The following TTLL7 variants were observed in gnomAD, a reference collection of about 807,000 sequenced individuals.
TTLL7 encodes the protein tubulin tyrosine ligase like 7, also known as tubulin polyglutamylase TTLL7.
TTLL7 carries 53 observed loss-of-function variants against 120.2 expected under a neutral mutation model. The ratio of observed to expected loss-of-function variants is 0.44; its 90% CI spans 0.35 to 0.55. The LOEUF (loss-of-function observed/expected upper bound fraction) is 0.55, where lower values mean the gene tolerates loss of function less well. Ranked by LOEUF, TTLL7 falls within the 20% of genes least tolerant of loss-of-function variation. TTLL7 has a pLI of 0.00. For synonymous variants in TTLL7, 353 were observed against 351.7 expected (o/e 1.00, Z -0.04); for missense variants, 803 against 1,054.7 (o/e 0.76, Z 3.31).
At chr1:83,975,918 A>C (rs759437627) in intron 1 of TTLL7, among the ~76,000 whole-genome samples, 5 of 152,024 alleles carry the variant, frequency 3.3e-5, no homozygotes, top group African/African-American at 4.8e-5. Flanking sequence ...CTCAATAAGC[A>C]TTTTATTTGA....
At chr1:83,889,339 T>G (rs1655247823) in intron 19 of TTLL7, among the ~76,000 whole-genome samples, 1 of 152,054 alleles carries the variant, frequency 6.6e-6, no homozygotes, top group Non-Finnish European at 1.5e-5. Context: ...GTGGGGATTA[T>G]GGGAACTACA....
chr1:83,941,809 G>T (rs1038019281), intron 7 of TTLL7, among the ~76,000 whole-genome samples: 14 of 151,852 alleles, frequency 9.2e-5, no homozygotes, highest in Non-Finnish European at 1.9e-4. Flanking sequence ...ATATGTTATG[G>T]CTGCACAAAA....
At chr1:83,954,821 T>G (rs985167185) in intron 1 of TTLL7, among the ~76,000 whole-genome samples, 2 of 136,948 alleles carry the variant, frequency 1.5e-5, no homozygotes, top group African/African-American at 5.5e-5. Flanking sequence ...AAAGACCAAA[T>G]AGGTAAAAAT....
At chr1:83,891,352 C>T (rs1011879947) in intron 18 of TTLL7, among the ~76,000 whole-genome samples, 37 of 151,872 alleles carry the variant, frequency 2.4e-4, no homozygotes, top group African/African-American at 7.7e-4. Flanking sequence ...ACATAAAGAA[C>T]AAAAATTAAG....
At chr1:83,889,598 C>A (rs1184211476) in intron 19 of TTLL7, among the ~76,000 whole-genome samples, 2 of 152,006 alleles carry the variant, frequency 1.3e-5, no homozygotes, top group East Asian at 3.9e-4. Context: ...AGGATTAAAT[C>A]ACTTAACACA....
At chr1:83,950,047 G>A in intron 3 of TTLL7, 61 bp from the exon 4 acceptor site, 1 of 1,404,772 alleles carries the variant, frequency 7.1e-7, no homozygotes, top group Admixed American at 2.1e-5. Flanking sequence ...ATTCATTGCA[G>A]AAACATTTTT....
intron 1 of TTLL7, among the ~76,000 whole-genome samples, chr1:83,971,968 TA>T: frequency 6.6e-6 from 1 of 151,824 alleles, no homozygotes; most frequent in Non-Finnish European, 1.5e-5. Flanking sequence ...TAAGAGCAGT[TA>T]TAAATTCACA....
At chr1:83,884,735 AG>A (rs1483625520) in intron 19 of TTLL7, among the ~76,000 whole-genome samples, 2 of 77,156 alleles carry the variant, frequency 2.6e-5, no homozygotes, top group Non-Finnish European at 4.9e-5. Flanking sequence ...GGGTGGGGGG[AG>A]GGGGGAGGGA....
intron 1 of TTLL7, among the ~76,000 whole-genome samples, chr1:83,958,234 T>C (rs1025440361): frequency 1.3e-5 from 2 of 152,146 alleles, no homozygotes; most frequent in South Asian, 2.1e-4. Flanking sequence ...AAAAGAGATA[T>C]AATGAACAAT....
At chr1:83,907,710 G>C in intron 15 of TTLL7, 49 bp from the exon 16 acceptor site, 1 of 1,523,658 alleles carries the variant, frequency 6.6e-7, no homozygotes, top group Non-Finnish European at 9.0e-7. Flanking sequence ...ATTAATACAA[G>C]TTTTTCACTG....
chr1:83,904,735 A>G (rs1022376590), intron 17 of TTLL7, among the ~76,000 whole-genome samples: 19 of 152,144 alleles, frequency 1.2e-4, no homozygotes, highest in African/African-American at 4.6e-4. Flanking sequence ...TGTATTTTAG[A>G]GGCTGATTTA....
chr1:83,888,136 A>G (rs940784368), intron 19 of TTLL7, among the ~76,000 whole-genome samples: 1 of 152,050 alleles, frequency 6.6e-6, no homozygotes, highest in African/African-American at 2.4e-5. Flanking sequence ...GAGATTATCT[A>G]TGGACTCAGA....
At chr1:83,988,360 C>T (rs532881075) in intron 1 of TTLL7, among the ~76,000 whole-genome samples, 25 of 152,126 alleles carry the variant, frequency 1.6e-4, no homozygotes, top group Admixed American at 1.6e-3. Flanking sequence ...GTACATGTAT[C>T]TTTTTGGTAG....
rs1368474022 is a variant in TTLL7 at position 83,866,789 on chromosome 1, A to G, written c.*3173T>C. 1.3e-5 allele frequency: 2 copies of G among 151,956 alleles called. No homozygotes were observed. Among genetic ancestry groups the G allele is most frequent in the Non-Finnish European group, 2.9e-5 (2 of 67,830 alleles). The allele number at this position is 151,956 out of a possible 1,614,324, so 9.4% of individuals were successfully genotyped here. A position where few individuals can be genotyped will look rare whatever the true frequency, so the allele number is the denominator to read the frequency against. On this transcript the variant is annotated 3_prime_UTR_variant, in exon 21 of 21. Transcript: ENST00000260505. ...TAAAATTAATCAAAATATGAATAAC[A>G]ATAGTTTCTTCAATAGATTATATAG...
Position 83,952,185 on chromosome 1 carries a change from A to G in TTLL7, c.25+2T>C. 6.2e-7 allele frequency: 1 copy of G among 1,613,434 alleles called. No homozygotes were observed. The highest frequency in any genetic ancestry group is 8.5e-7 in the Non-Finnish European group (1 of 1,179,542). ...GTAACATAGTTAAGTCAATTTCCCT[A>G]CCTCCTTCTTGAGGCAGAGATGGCA... On this transcript the variant is annotated splice_donor_variant, in intron 2 of 20. Transcript: ENST00000260505. LOFTEE classifies it high-confidence loss of function.
chr1:83,952,433 A>AT (rs777289769), intron 1 of TTLL7, 46 bp from the exon 2 acceptor site: 12 of 429,272 alleles, frequency 2.8e-5, no homozygotes, highest in South Asian at 6.6e-5. Flanking sequence ...ACTTTTTTGA[A>AT]TTTTTTTTCA....
At chr1:83,922,984 T>G (rs1379825139) in intron 10 of TTLL7, among the ~76,000 whole-genome samples, 1 of 150,676 alleles carries the variant, frequency 6.6e-6, no homozygotes, top group African/African-American at 2.5e-5. Flanking sequence ...ACTAATTCAA[T>G]ATGAAGAATA....
In TTLL7 at chr1:83,942,628, A is replaced by T; in HGVS notation, c.558T>A (p.Ile186=). 6.2e-7 allele frequency: 1 copy of T among 1,613,916 alleles called. No individual in the cohort carries two copies. Among genetic ancestry groups the T allele is most frequent in the Non-Finnish European group, 8.5e-7 (1 of 1,179,870 alleles). ...GDKLPSQDHL[I]VQEYIEKPFL... is the part of the protein sequence containing the mutation. ...AAGGCTTTTCAATGTATTCTTGAACAATCAAATGATCCTGAGATGGAAGTT... is the reference window on the plus strand; with the variant it reads ...AAGGCTTTTCAATGTATTCTTGAACTATCAAATGATCCTGAGATGGAAGTT... The change falls in exon 7 of 21, where the codon ATT becomes ATA. Residue 186 remains isoleucine, a synonymous_variant. Transcript: ENST00000260505.
chr1:83,906,305 A>T, intron 17 of TTLL7, 24 bp downstream of exon 17: 2 of 1,595,020 alleles, frequency 1.3e-6, no homozygotes, highest in Middle Eastern at 3.3e-4. Flanking sequence ...GCTCCTTGGC[A>T]TTTTAGATAC....
Sources: gnomAD v4.1 joint callset for allele counts (sites outside exome capture counted in the v4.1 genomes callset) on GRCh38, gnomAD v4.1.1 for gene constraint, MANE v1.5 for transcripts, NCBI Gene and HGNC (gene_info 2026-07-23, HGNC 2026-07-21) for gene names.